Variants in PXYLP1 observed in about 807,000 individuals in gnomAD.
The protein encoded by PXYLP1 is acid phosphatase-like 2.
A neutral mutation model predicts 37.9 loss-of-function variants in PXYLP1; 17 were observed. The ratio of observed to expected loss-of-function variants is 0.45; its 90% CI spans 0.31 to 0.67. The LOEUF (loss-of-function observed/expected upper bound fraction) is 0.67. Among genes scored for constraint, PXYLP1 ranks in the 30% least tolerant of loss-of-function variants. The pLI is 0.07. For synonymous variants in PXYLP1, 221 were observed against 232.2 expected, an observed-to-expected ratio of 0.95 and a Z score of 0.44; for missense variants, 511 against 612.0, an observed-to-expected ratio of 0.84 and a Z score of 1.74.
At chr3:141,270,471 G>T (rs934623016) in intron 2 of PXYLP1, among the ~76,000 whole-genome samples, 1 of 152,214 alleles carries the variant, frequency 6.6e-6, no homozygotes, top group African/African-American at 2.4e-5. Context: ...TTCAGTACAG[G>T]TTAGAGACAG....
intron 1 of PXYLP1, among the ~76,000 whole-genome samples, chr3:141,240,296 A>G (rs1940763873): frequency 6.6e-6 from 1 of 152,218 alleles, no homozygotes; most frequent in African/African-American, 2.4e-5. Context: ...GCTTAAACAA[A>G]GTATGTTTAA....
At chr3:141,259,455 CT>C (rs933268149) in intron 1 of PXYLP1, among the ~76,000 whole-genome samples, 1 of 150,266 alleles carries the variant, frequency 6.7e-6, no homozygotes, top group Non-Finnish European at 1.5e-5. Context: ...AAAAAGTCCT[CT>C]TGCACACTTC....
At chr3:141,233,347 C>G (rs372639306) in intron 1 of PXYLP1, among the ~76,000 whole-genome samples, 34 of 152,012 alleles carry the variant, frequency 2.2e-4, no homozygotes, top group African/African-American at 8.0e-4. Context: ...TACCTGTAAT[C>G]CCAGCTACTC....
At chr3:141,287,709 AG>A (rs1223591404) in intron 5 of PXYLP1, among the ~76,000 whole-genome samples, 3 of 152,250 alleles carry the variant, frequency 2.0e-5, no homozygotes, top group Non-Finnish European at 4.4e-5. Flanking sequence ...AAGAAGAAAA[AG>A]TTTAAGCAAC....
At chr3:141,275,339 A>G (rs1434839810) in intron 2 of PXYLP1, among the ~76,000 whole-genome samples, 1 of 152,202 alleles carries the variant, frequency 6.6e-6, no homozygotes, top group African/African-American at 2.4e-5. Flanking sequence ...CCGGGTGCTT[A>G]TAGATGAACT....
chr3:141,259,065 A>G (rs1314745734), intron 1 of PXYLP1, among the ~76,000 whole-genome samples: 2 of 152,150 alleles, frequency 1.3e-5, no homozygotes, highest in Non-Finnish European at 2.9e-5. Flanking sequence ...TTCCCAAAAG[A>G]TGTGCTTTTC....
chr3:141,280,932 C>T (rs1941939358), intron 4 of PXYLP1, among the ~76,000 whole-genome samples: 1 of 152,216 alleles, frequency 6.6e-6, no homozygotes, highest in Admixed American at 6.5e-5. Flanking sequence ...CGATGCCACA[C>T]CCTGTGACTC....
intron 1 of PXYLP1, 51 bp from the exon 2 acceptor site, chr3:141,260,072 T>C: frequency 3.7e-6 from 5 of 1,367,338 alleles, no homozygotes; most frequent in Non-Finnish European, 5.1e-6. Context: ...AGTTGACAAA[T>C]TTAGTTCTCC....
At chr3:141,236,425 C>T (rs1368872286) in intron 1 of PXYLP1, 1 of 152,182 alleles carries the variant, frequency 6.6e-6, no homozygotes, top group Non-Finnish European at 1.5e-5. Context: ...CACTCTCTCC[C>T]CTTTCCTCCT....
rs1043284114 is a variant in PXYLP1 at position 141,287,515 on chromosome 3, C to T, written c.505+62C>T. ...CCCGCTCTTCTGCTTGCATACCTTC[C>T]GAGCAGTTCTCCTGGGCGGGGTGCT... On this transcript the variant is annotated intron_variant, in intron 5 of 5. Coordinates refer to ENST00000286353, the MANE Select transcript of PXYLP1 (RefSeq NM_001037172.3). 4.5e-5 allele frequency: 70 copies of T among 1,572,582 alleles called. 1 individual carries two copies. Among genetic ancestry groups the T allele is most frequent in the Non-Finnish European group, 5.9e-5 (68 of 1,159,106 alleles).
At chr3:141,286,147 A>T (rs1942069942) in intron 4 of PXYLP1, among the ~76,000 whole-genome samples, 1 of 152,194 alleles carries the variant, frequency 6.6e-6, no homozygotes, top group Non-Finnish European at 1.5e-5. Context: ...ACTTCTCTTC[A>T]GCTGGAAAAT....
At chr3:141,233,463 C>CAAA (rs5853024) in intron 1 of PXYLP1, among the ~76,000 whole-genome samples, 15 of 79,376 alleles carry the variant, frequency 1.9e-4, no homozygotes, top group East Asian at 3.7e-4. Flanking sequence ...AAAACCCTGT[C>CAAA]AAAAAAAAAA....
intron 2 of PXYLP1, among the ~76,000 whole-genome samples, chr3:141,277,052 A>T (rs573237870): frequency 5.9e-5 from 9 of 152,250 alleles, no homozygotes; most frequent in African/African-American, 2.2e-4. Flanking sequence ...TTTCAGGTGT[A>T]GGGTCTCTTA....
At position 141,248,677 on chromosome 3, in the gene PXYLP1, ATATATACACACG is replaced by A. The variant is rs1473135947; in HGVS notation, c.-53-11434_-53-11423del. Among the ~76,000 whole-genome samples the A allele has an allele frequency of 1.4e-3, 56 of 40,282 alleles. 8 individuals carry two copies. The highest frequency in any genetic ancestry group is 2.1e-3 in the Non-Finnish European group (52 of 24,556). The allele number at this position is 40,282 out of a possible 152,430, so 26.4% of individuals were successfully genotyped here. ...CACACGTATATATACACACACGTGT[ATATATACACACG>A]TATATACACACACGTGTATATATAC... is the stretch of plus-strand genomic sequence containing the variant. On this transcript the variant is annotated intron_variant, in intron 1 of 5. Transcript: ENST00000286353.
chr3:141,240,272 G>A (rs976490348), intron 1 of PXYLP1, among the ~76,000 whole-genome samples: 2 of 152,314 alleles, frequency 1.3e-5, no homozygotes, highest in Non-Finnish European at 2.9e-5. Flanking sequence ...GGGGCACACT[G>A]AGGAAGGCTC....
intron 1 of PXYLP1, among the ~76,000 whole-genome samples, chr3:141,248,284 C>T (rs563930460): frequency 3.5e-4 from 53 of 151,878 alleles, no homozygotes; most frequent in African/African-American, 1.2e-3. Flanking sequence ...CCACCTGCCC[C>T]GGCCTCAAAG....
Position 141,287,458 on chromosome 3 carries a change from G to A in PXYLP1, c.505+5G>A. The stretch of plus-strand genomic sequence containing the variant: ...TGGGAGAGCTCACACAGACAGGTAT[G>A]TGTGACCCCCATGCGCTCAGGGGTT... On this transcript the variant is annotated splice_donor_5th_base_variant and intron_variant, in intron 5 of 5. Transcript: ENST00000286353. The A allele has an allele frequency of 6.2e-7, 1 of 1,613,536 alleles. No individual in the cohort carries two copies. The highest frequency in any genetic ancestry group is 8.5e-7 in the Non-Finnish European group (1 of 1,179,660).
At chr3:141,286,086 C>T (rs1448939921) in intron 4 of PXYLP1, among the ~76,000 whole-genome samples, 1 of 152,152 alleles carries the variant, frequency 6.6e-6, no homozygotes, top group Non-Finnish European at 1.5e-5. Context: ...ATCTTTGCTT[C>T]TTTTCATGCT....
At position 141,233,115 on chromosome 3, in the gene PXYLP1, C is replaced by T. The variant is rs368003707; in HGVS notation, c.-54+1204C>T. ...GCGGTCGGGCTTGGCAGTAACTTACCCTCCTCAGAGGTGTTGGTGCCCAAT... is the reference window on the plus strand; with the variant it reads ...GCGGTCGGGCTTGGCAGTAACTTACTCTCCTCAGAGGTGTTGGTGCCCAAT... On this transcript the variant is annotated intron_variant, in intron 1 of 5. Transcript: ENST00000286353. Among the ~76,000 whole-genome samples, 15 of 152,118 alleles carry T rather than the reference C, an allele frequency of 9.9e-5. No individual in the cohort carries two copies. The East Asian group carries it at 2.9e-3, about 30-fold the overall frequency.
Sources: gnomAD v4.1 joint callset for allele counts (sites outside exome capture counted in the v4.1 genomes callset) on GRCh38, gnomAD v4.1.1 for gene constraint, MANE v1.5 for transcripts, NCBI Gene and HGNC (gene_info 2026-07-23, HGNC 2026-07-21) for gene names.